Variants in FBXL2 observed in about 807,000 individuals in gnomAD.
FBXL2 encodes the protein F-box/LRR-repeat protein 2.
A neutral mutation model predicts 69.2 loss-of-function variants in FBXL2; 38 were observed. The ratio of observed to expected loss-of-function variants is 0.55; its 90% CI spans 0.42 to 0.72. The LOEUF (loss-of-function observed/expected upper bound fraction) is 0.72. Among genes scored for constraint, FBXL2 ranks in the 30% least tolerant of loss-of-function variants. FBXL2 has a pLI of 0.00. For synonymous variants in FBXL2, 192 were observed against 201.3 expected, an observed-to-expected ratio of 0.95 and a Z score of 0.39; for missense variants, 354 against 520.3, an observed-to-expected ratio of 0.68 and a Z score of 3.11.
At chr3:33,324,576 T>G (rs1461850061) in intron 2 of FBXL2, among the ~76,000 whole-genome samples, 1 of 152,198 alleles carries the variant, frequency 6.6e-6, no homozygotes, top group African/African-American at 2.4e-5. Context: ...TCCCCATTGC[T>G]TGTTTTTCTC....
At chr3:33,343,745 G>T (rs559495535) in intron 2 of FBXL2, among the ~76,000 whole-genome samples, 24 of 152,034 alleles carry the variant, frequency 1.6e-4, no homozygotes, top group African/African-American at 5.5e-4. Context: ...TGTCAAGGAG[G>T]GAAGAAAGAG....
chr3:33,361,077 G>A (rs1182977936), intron 4 of FBXL2, among the ~76,000 whole-genome samples: 3 of 148,622 alleles, frequency 2.0e-5, no homozygotes, highest in South Asian at 2.1e-4. Flanking sequence ...GACTACAGGC[G>A]CCTGCCACCA....
At chr3:33,302,967 A>C (rs2036412137) in intron 2 of FBXL2, 1 of 390,310 alleles carries the variant, frequency 2.6e-6, no homozygotes, top group African/African-American at 2.1e-5. Flanking sequence ...AATCATTAAG[A>C]TATAGCCCAG....
At chr3:33,356,362 G>GT (rs1259409821) in intron 2 of FBXL2, among the ~76,000 whole-genome samples, 28 of 151,946 alleles carry the variant, frequency 1.8e-4, no homozygotes, top group African/African-American at 4.6e-4. Context: ...GTTTTGTTTT[G>GT]TTTTTTTGAG....
At chr3:33,316,450 G>T (rs1041431537) in intron 2 of FBXL2, among the ~76,000 whole-genome samples, 4 of 152,144 alleles carry the variant, frequency 2.6e-5, no homozygotes, top group Admixed American at 2.0e-4. Flanking sequence ...TTTGGCAGTT[G>T]TTTTTGAGTT....
chr3:33,306,341 G>T (rs958147744), intron 2 of FBXL2, among the ~76,000 whole-genome samples: 1 of 152,014 alleles, frequency 6.6e-6, no homozygotes, highest in Non-Finnish European at 1.5e-5. Context: ...TAGACACCAC[G>T]TAAGTCAATA....
chr3:33,419,405 G>A, the FBXL2 span, among the ~76,000 whole-genome samples: 20 of 151,910 alleles, frequency 1.3e-4, no homozygotes, highest in Non-Finnish European at 2.6e-4. Flanking sequence ...TGAGGTGGGC[G>A]GATCACGAGG....
chr3:33,407,034 G>C (rs2044445636), downstream of FBXL2, among the ~76,000 whole-genome samples: 1 of 152,134 alleles, frequency 6.6e-6, no homozygotes, highest in East Asian at 1.9e-4. Flanking sequence ...TGAAATGTTG[G>C]CCTTCCTTTG....
intron 2 of FBXL2, among the ~76,000 whole-genome samples, chr3:33,339,664 A>G (rs1002511545): frequency 2.0e-5 from 3 of 152,144 alleles, no homozygotes; most frequent in Admixed American, 2.0e-4. Flanking sequence ...CAATTTACCC[A>G]TGTAACAAAC....
chr3:33,409,610 C>T, the FBXL2 span: 22 of 1,614,096 alleles, frequency 1.4e-5, no homozygotes, highest in Middle Eastern at 3.3e-4. Context: ...ACCTATAAAA[C>T]GATTCAGGCT....
the FBXL2 span, chr3:33,412,956 G>A: frequency 1.8e-6 from 1 of 564,380 alleles, no homozygotes; most frequent in East Asian, 2.8e-5. Context: ...TAAACATTCT[G>A]TAAGTGAACT....
rs766636318 is a variant in FBXL2, at chr3:33,358,997, G to A, written c.96G>A (p.Leu32=). Residue 32 remains leucine (L), a synonymous_variant, in exon 3 of 15, where the codon TTG becomes TTA. Transcript: ENST00000484457. ...RIFSFLDIVT[L]CRCAQISKAW... The stretch of plus-strand genomic sequence containing the variant: ...TTTCCTTCTTGGATATAGTAACTTT[G>A]TGCCGATGTGCACAGATTTCCAAGG... The A allele has an allele frequency of 6.4e-6, 10 of 1,553,562 alleles. No homozygotes were observed. In the South Asian group the frequency reaches 1.3e-4, roughly 20 times the overall value.
intron 10 of FBXL2, among the ~76,000 whole-genome samples, chr3:33,375,697 T>C (rs994566738): frequency 1.3e-5 from 2 of 152,186 alleles, no homozygotes; most frequent in Non-Finnish European, 2.9e-5. Context: ...CATCATGTTA[T>C]TGCTTTAAGC....
chr3:33,397,413 T>C (rs369079214), intron 12 of FBXL2: 39 of 240,816 alleles, frequency 1.6e-4, no homozygotes, highest in South Asian at 6.4e-4. Context: ...CTTCCCGATA[T>C]AGGATTTCAC....
intron 5 of FBXL2, chr3:33,372,796 C>T: frequency 2.0e-6 from 1 of 506,698 alleles, no homozygotes; most frequent in Non-Finnish European, 3.6e-6. Context: ...GGTGATGACT[C>T]ACCAAGCTGT....
At chr3:33,360,048 T>C (rs1376742479) in intron 4 of FBXL2, among the ~76,000 whole-genome samples, 1 of 152,172 alleles carries the variant, frequency 6.6e-6, no homozygotes, top group Non-Finnish European at 1.5e-5. Flanking sequence ...ACTTAGGAAT[T>C]GTCTGAAGTG....
chr3:33,416,788 A>C, the FBXL2 span: 1 of 1,613,672 alleles, frequency 6.2e-7, no homozygotes, highest in Non-Finnish European at 8.5e-7. Flanking sequence ...TCTCAGGCAT[A>C]TCACCCATTT....
chr3:33,287,463 T>C (rs1002648855), intron 1 of FBXL2, among the ~76,000 whole-genome samples: 2 of 152,120 alleles, frequency 1.3e-5, no homozygotes, highest in Non-Finnish European at 2.9e-5. Flanking sequence ...TTGGCATTTG[T>C]TATTTAATTT....
At chr3:33,397,791 A>G (rs1575454038) in intron 12 of FBXL2, 1 of 152,280 alleles carries the variant, frequency 6.6e-6, no homozygotes, top group African/African-American at 2.4e-5. Context: ...ATGTCTCTCT[A>G]TACAGGTTTC....
Sources: gnomAD v4.1 joint callset for allele counts (sites outside exome capture counted in the v4.1 genomes callset) on GRCh38, gnomAD v4.1.1 for gene constraint, MANE v1.5 for transcripts, NCBI Gene and HGNC (gene_info 2026-07-23, HGNC 2026-07-21) for gene names.